The following GTF2F2 variants were observed in gnomAD, a reference collection of about 807,000 sequenced individuals.
GTF2F2 encodes ATP-dependent helicase GTF2F2.
Under a neutral mutation model 42.2 loss-of-function variants are expected in GTF2F2, and 23 were observed. The ratio of observed to expected loss-of-function variants is 0.55; its 90% confidence interval spans 0.39 to 0.77. The LOEUF is 0.77. Ranked by LOEUF, GTF2F2 falls within the 30% of genes least tolerant of loss-of-function variation. The pLI is 0.00. For missense variants in GTF2F2, 261 were observed against 287.2 expected (o/e 0.91, Z 0.66); for synonymous variants, 105 against 100.8 (o/e 1.04, Z -0.25).
intron 5 of GTF2F2, among the ~76,000 whole-genome samples, chr13:45,234,863 T>C (rs773253218): frequency 1.6e-4 from 24 of 151,854 alleles, no homozygotes; most frequent in Non-Finnish European, 2.9e-4. Flanking sequence ...CTGACCAACA[T>C]GGAGCAACCC....
At chr13:45,258,249 A>G (rs1876182763) in intron 6 of GTF2F2, among the ~76,000 whole-genome samples, 1 of 152,126 alleles carries the variant, frequency 6.6e-6, no homozygotes, top group African/African-American at 2.4e-5. Context: ...CAAGCAGAAA[A>G]GAATGTAATG....
chr13:45,134,637 A>G (rs1255628738), intron 1 of GTF2F2, among the ~76,000 whole-genome samples: 3 of 152,178 alleles, frequency 2.0e-5, no homozygotes, highest in Non-Finnish European at 2.9e-5. Context: ...GTTTGGATGA[A>G]TGGAGTAGAG....
chr13:45,186,193 T>G (rs1228424773), intron 4 of GTF2F2, among the ~76,000 whole-genome samples: 1 of 152,168 alleles, frequency 6.6e-6, no homozygotes, highest in African/African-American at 2.4e-5. Context: ...CTGGCTGGTC[T>G]TGAACTCCTG....
intron 1 of GTF2F2, chr13:45,124,108 G>A (rs1427179480): frequency 7.8e-6 from 6 of 766,334 alleles, no homozygotes; most frequent in South Asian, 4.1e-5. Flanking sequence ...CAAAGTGGTC[G>A]TTGAGGGCAA....
rs749900514 is a variant in GTF2F2 at position 45,228,911 on chromosome 13, C to A, written c.386+21406C>A. The stretch of plus-strand genomic sequence containing the variant: ...TCTCGAACTTCCAGCCTCAGGTGAT[C>A]TGCCCTTCATGGCCTCCTGAAGTGT... On this transcript the variant is annotated intron_variant, in intron 5 of 7. Coordinates refer to ENST00000340473, the MANE Select transcript of GTF2F2 (RefSeq NM_004128.3). 8.5e-5 allele frequency among the ~76,000 whole-genome samples: 13 copies of A among 152,244 alleles called. No homozygotes were observed. The East Asian group carries it at 2.3e-3, about 27-fold the overall frequency.
At chr13:45,280,182 A>G (rs1025424714) in intron 7 of GTF2F2, among the ~76,000 whole-genome samples, 2 of 152,208 alleles carry the variant, frequency 1.3e-5, no homozygotes, top group Non-Finnish European at 2.9e-5. Flanking sequence ...AGATGCAGAA[A>G]TGGGAAGCAT....
chr13:45,274,961 T>G (rs1413567425), intron 7 of GTF2F2, among the ~76,000 whole-genome samples: 5 of 152,064 alleles, frequency 3.3e-5, no homozygotes, highest in African/African-American at 1.2e-4. Flanking sequence ...CATAGAGTTG[T>G]GCAACCAACA....
chr13:45,167,064 T>C (rs1871327779), intron 4 of GTF2F2, among the ~76,000 whole-genome samples: 1 of 151,594 alleles, frequency 6.6e-6, no homozygotes, highest in Non-Finnish European at 1.5e-5. Context: ...GAAAGACTGC[T>C]CTGTTTAAAA....
At chr13:45,151,975 G>A in intron 4 of GTF2F2, 144 bp downstream of exon 4, 1 of 493,748 alleles carries the variant, frequency 2.0e-6, no homozygotes, top group Non-Finnish European at 3.5e-6. Flanking sequence ...AAGTCCAATG[G>A]CACGATCTTG....
At chr13:45,269,007 G>A (rs953954240) in intron 7 of GTF2F2, among the ~76,000 whole-genome samples, 28 of 152,174 alleles carry the variant, frequency 1.8e-4, no homozygotes, top group Non-Finnish European at 3.1e-4. Flanking sequence ...TTAACTTCCT[G>A]AAAATCTGCA....
intron 7 of GTF2F2, among the ~76,000 whole-genome samples, chr13:45,278,090 A>G (rs973596794): frequency 1.3e-5 from 2 of 152,182 alleles, no homozygotes; most frequent in South Asian, 4.1e-4. Context: ...TAAGTCCTCC[A>G]TTTGTTTGAC....
intron 2 of GTF2F2, among the ~76,000 whole-genome samples, chr13:45,139,406 GTGTCCTCGGA>G (rs929323774): frequency 5.3e-5 from 8 of 152,324 alleles, no homozygotes; most frequent in African/African-American, 1.2e-4. Flanking sequence ...TGTTTGGACT[GTGTCCTCGGA>G]TGTCCTCGGA....
chr13:45,224,620 A>AAC (rs1317880643), intron 5 of GTF2F2, among the ~76,000 whole-genome samples: 5 of 152,338 alleles, frequency 3.3e-5, no homozygotes, highest in African/African-American at 1.2e-4. Flanking sequence ...TTTGTTGTTA[A>AAC]TGTGATACAC....
At chr13:45,191,309 C>T (rs1288399683) in intron 4 of GTF2F2, among the ~76,000 whole-genome samples, 1 of 142,886 alleles carries the variant, frequency 7.0e-6, no homozygotes, top group African/African-American at 2.7e-5. Context: ...GGGGTAATTC[C>T]AAATATAAGA....
chr13:45,224,168 A>G (rs1024442497), intron 5 of GTF2F2, among the ~76,000 whole-genome samples: 2 of 152,218 alleles, frequency 1.3e-5, no homozygotes, highest in African/African-American at 2.4e-5. Flanking sequence ...CCCCTTTACA[A>G]GATGGCCCCA....
At chr13:45,262,873 T>C (rs1397783185) in intron 6 of GTF2F2, among the ~76,000 whole-genome samples, 3 of 151,998 alleles carry the variant, frequency 2.0e-5, no homozygotes, top group Non-Finnish European at 4.4e-5. Flanking sequence ...GCCTCCTGAG[T>C]GGCTGGGACT....
At chr13:45,191,694 G>A (rs966593354) in intron 4 of GTF2F2, among the ~76,000 whole-genome samples, 1 of 152,038 alleles carries the variant, frequency 6.6e-6, no homozygotes, top group East Asian at 1.9e-4. Flanking sequence ...TACAAGGGTG[G>A]TCAGTCTAGT....
chr13:45,121,274 G>A (rs1462665567), intron 1 of GTF2F2, among the ~76,000 whole-genome samples: 4 of 152,198 alleles, frequency 2.6e-5, no homozygotes, highest in African/African-American at 4.8e-5. Context: ...TTTGGGTCTC[G>A]TGAAACTGGC....
At chr13:45,126,615 A>G (rs1869016919) in intron 1 of GTF2F2, among the ~76,000 whole-genome samples, 1 of 152,212 alleles carries the variant, frequency 6.6e-6, no homozygotes, top group African/African-American at 2.4e-5. Flanking sequence ...TCATCCCACA[A>G]GCTTTCAGTG....
Sources: gnomAD v4.1 joint callset for allele counts (sites outside exome capture counted in the v4.1 genomes callset) on GRCh38, gnomAD v4.1.1 for gene constraint, MANE v1.5 for transcripts, NCBI Gene and HGNC (gene_info 2026-07-23, HGNC 2026-07-21) for gene names.